Variants in CACNA1S observed in about 807,000 individuals in gnomAD.
The protein encoded by CACNA1S is calcium voltage-gated channel subunit alpha1 S, also known as voltage-dependent L-type calcium channel subunit alpha-1S.
CACNA1S carries 126 observed loss-of-function variants against 207.4 expected under a neutral mutation model. The ratio of observed to expected loss-of-function variants is 0.61; its 90% CI spans 0.53 to 0.70. CACNA1S has a LOEUF of 0.70. Ranked by LOEUF, CACNA1S falls within the 30% of genes least tolerant of loss-of-function variation. CACNA1S has a pLI of 0.00. For missense variants in CACNA1S, 2,349 were observed against 2,422.8 expected (o/e 0.97, Z 0.64); for synonymous variants, 960 against 932.7 (o/e 1.03, Z -0.53).
At chr1:201,107,676 C>A (rs1572076438) in intron 2 of CACNA1S, among the ~76,000 whole-genome samples, 1 of 152,318 alleles carries the variant, frequency 6.6e-6, no homozygotes, top group East Asian at 1.9e-4. Flanking sequence ...ACCTACAAAG[C>A]AGCCAATAGG....
At position 201,047,507 on chromosome 1, in the gene CACNA1S, C is replaced by T. The variant is rs1391436374; in HGVS notation, c.4543+18G>A. The T allele has an allele frequency of 1.1e-5, 18 of 1,593,244 alleles. No homozygotes were observed. The highest frequency in any genetic ancestry group is 1.7e-5 in the Admixed American group (1 of 59,976). On this transcript the variant is annotated intron_variant, in intron 37 of 43. Coordinates refer to ENST00000362061, the MANE Select transcript of CACNA1S (RefSeq NM_000069.3). Reference sequence around the variant, plus strand: ...CCTTGGCTGCTTCTGGACTCTGGTCCCCCAAAGTAGCACCTACCTCCTATT... The same window carrying T: ...CCTTGGCTGCTTCTGGACTCTGGTCTCCCAAAGTAGCACCTACCTCCTATT...
At chr1:201,106,267 C>A (rs1402917298) in intron 2 of CACNA1S, among the ~76,000 whole-genome samples, 3 of 152,130 alleles carry the variant, frequency 2.0e-5, no homozygotes, top group Non-Finnish European at 4.4e-5. Context: ...CCCAGCCTCC[C>A]CTGTTTCCTG....
rs1300838444 is a variant in CACNA1S at position 201,047,163 on chromosome 1, T to C, written c.4620A>G (p.Gln1540=). The C allele has an allele frequency of 6.2e-7, 1 of 1,614,190 alleles. No individual in the cohort carries two copies. Among genetic ancestry groups the C allele is most frequent in the Non-Finnish European group, 8.5e-7 (1 of 1,180,018 alleles). The change falls in exon 38 of 44, where the codon CAA becomes CAG. Residue 1540 remains glutamine (Q), a synonymous_variant. Coordinates refer to ENST00000362061, the MANE Select transcript of CACNA1S (RefSeq NM_000069.3). ...QEHFRKFMKR[Q]EEYYGYRPKK... is the part of the protein sequence containing the mutation. ...TGGGCCGATAGCCATAATACTCCTCTTGGCGTTTCATGAACTTCCGGAAGT... is the reference window on the plus strand; with the variant it reads ...TGGGCCGATAGCCATAATACTCCTCCTGGCGTTTCATGAACTTCCGGAAGT...
At chr1:201,095,142 G>A (rs1662372691) in intron 2 of CACNA1S, among the ~76,000 whole-genome samples, 1 of 151,268 alleles carries the variant, frequency 6.6e-6, no homozygotes, top group East Asian at 1.9e-4. Flanking sequence ...GTGTGTGTGT[G>A]TATACATATA....
Position 201,112,389 on chromosome 1 carries a change from C to T in CACNA1S, c.-50G>A, listed in dbSNP as rs768657860. On this transcript the variant is annotated 5_prime_UTR_variant, in exon 1 of 44. Coordinates refer to ENST00000362061, the MANE Select transcript of CACNA1S (RefSeq NM_000069.3). ...TCCTGCTCCCCCACCCCAGTGCTTT[C>T]CCTTCCCTGTGTCCCCAATGCCCCC... is the stretch of plus-strand genomic sequence containing the variant. 6 of 1,612,432 alleles carry T rather than the reference C, an allele frequency of 3.7e-6. No homozygotes were observed. The African/African-American group carries it at 8.0e-5, about 22-fold the overall frequency.
chr1:201,045,096 C>CAT (rs1053353161), intron 38 of CACNA1S, among the ~76,000 whole-genome samples: 4 of 151,954 alleles, frequency 2.6e-5, no homozygotes, highest in Non-Finnish European at 5.9e-5. Context: ...TTGGATATGT[C>CAT]ATATATATAT....
chr1:201,044,213 T>G (rs1572020331), intron 39 of CACNA1S, 115 bp downstream of exon 39: 2 of 1,293,766 alleles, frequency 1.5e-6, no homozygotes, highest in Non-Finnish European at 2.2e-6. Context: ...CGGAGTGGGG[T>G]ATCTTCAGCT....
chr1:201,108,148 C>T (rs183178815), intron 2 of CACNA1S, among the ~76,000 whole-genome samples: 10 of 148,866 alleles, frequency 6.7e-5, no homozygotes, highest in East Asian at 2.0e-4. Flanking sequence ...CTGTGTCACT[C>T]GGGCTGGAGT....
At position 201,039,574 on chromosome 1, in the gene CACNA1S, C is replaced by A; in HGVS notation, c.*257G>T. ...CAGGTGGGAGTGGCCCTAGGCCAGA[C>A]AGGCACTGACCAGGCCTTTTTGAAT... is the stretch of plus-strand genomic sequence containing the variant. On this transcript the variant is annotated 3_prime_UTR_variant, in exon 44 of 44. Coordinates refer to ENST00000362061, the MANE Select transcript of CACNA1S (RefSeq NM_000069.3). The A allele has an allele frequency of 8.7e-6, 5 of 575,830 alleles. No homozygotes were observed. Among genetic ancestry groups the A allele is most frequent in the South Asian group, 4.0e-5 (2 of 49,998 alleles). 35.7% of individuals were successfully genotyped at this position (575,830 alleles called of 1,614,324 possible).
intron 41 of CACNA1S, among the ~76,000 whole-genome samples, chr1:201,041,290 C>T (rs1660182425): frequency 6.6e-6 from 1 of 152,152 alleles, no homozygotes; most frequent in Admixed American, 6.5e-5. Flanking sequence ...CCCCCTTCCA[C>T]CTCACTCAGC....
chr1:201,078,316 G>A (rs1661708808), intron 10 of CACNA1S, among the ~76,000 whole-genome samples: 1 of 152,148 alleles, frequency 6.6e-6, no homozygotes, highest in African/African-American at 2.4e-5. Flanking sequence ...CGACTTCCCA[G>A]GATCAAGTGA....
chr1:201,103,454 T>C (rs991148528), intron 2 of CACNA1S, among the ~76,000 whole-genome samples: 4 of 150,884 alleles, frequency 2.7e-5, no homozygotes, highest in Non-Finnish European at 5.9e-5. Flanking sequence ...AGGCTTCTGT[T>C]GTTCAGCTAT....
intron 2 of CACNA1S, among the ~76,000 whole-genome samples, chr1:201,100,023 C>G (rs1662579862): frequency 6.6e-6 from 1 of 152,106 alleles, no homozygotes; most frequent in Non-Finnish European, 1.5e-5. Context: ...GACCTATAAC[C>G]CTGTCACCTG....
At chr1:201,055,929 CT>C (rs2102565878) in intron 28 of CACNA1S, among the ~76,000 whole-genome samples, 1 of 152,316 alleles carries the variant, frequency 6.6e-6, no homozygotes, top group South Asian at 2.1e-4. Context: ...TTTATTTTGG[CT>C]GTTTAGATTT....
At chr1:201,063,308 T>A (rs1661135945) in intron 22 of CACNA1S, among the ~76,000 whole-genome samples, 1 of 151,792 alleles carries the variant, frequency 6.6e-6, no homozygotes, top group South Asian at 2.1e-4. Flanking sequence ...GTCTTTTTTT[T>A]TTTTGTTTGC....
intron 2 of CACNA1S, among the ~76,000 whole-genome samples, chr1:201,095,793 AAGG>A (rs1572065703): frequency 6.6e-6 from 1 of 152,190 alleles, no homozygotes; most frequent in East Asian, 1.9e-4. Flanking sequence ...CAGCTGCTCC[AAGG>A]AGGAGAGCTG....
intron 5 of CACNA1S, among the ~76,000 whole-genome samples, chr1:201,090,517 G>A (rs1359911073): frequency 6.6e-6 from 1 of 152,150 alleles, no homozygotes; most frequent in Non-Finnish European, 1.5e-5. Context: ...GAGGAGGTGA[G>A]TAGAGTCTTC....
chr1:201,075,742 C>T, intron 12 of CACNA1S, 127 bp from the exon 13 acceptor site: 1 of 1,100,974 alleles, frequency 9.1e-7, no homozygotes, highest in South Asian at 1.4e-5. Context: ...TTTCATTCCA[C>T]AGTCTGGGTG....
chr1:201,076,659 C>T (rs756344369), intron 12 of CACNA1S, among the ~76,000 whole-genome samples: 5 of 152,342 alleles, frequency 3.3e-5, no homozygotes, highest in East Asian at 3.9e-4. Flanking sequence ...TATTATCCTG[C>T]AGTAGGCCAG....
Sources: gnomAD v4.1 joint callset for allele counts (sites outside exome capture counted in the v4.1 genomes callset) on GRCh38, gnomAD v4.1.1 for gene constraint, MANE v1.5 for transcripts, NCBI Gene and HGNC (gene_info 2026-07-23, HGNC 2026-07-21) for gene names.